The following C8G variants were observed in gnomAD, a reference collection of about 807,000 sequenced individuals.
C8G encodes complement component C8 gamma chain.
Under a neutral mutation model 29.1 loss-of-function variants are expected in C8G, and 38 were observed. That is an observed-to-expected ratio of 1.31 (90% CI 1.01 to 1.71). The LOEUF is 1.71. C8G is among the 40% of genes most tolerant of loss of function. The pLI, the probability that C8G is intolerant of heterozygous loss-of-function variation, is 0.00. For synonymous variants in C8G, 158 were observed against 113.2 expected (o/e 1.40, Z -2.51); for missense variants, 300 against 267.4 (o/e 1.12, Z -0.85).
At position 136,945,352 on chromosome 9, in the gene C8G, C is replaced by T. The variant is rs747783357; in HGVS notation, c.32C>T (p.Thr11Ile). The change falls in exon 1 of 7, where the codon ACT (threonine) becomes ATT (isoleucine). Residue 11 changes from threonine (T) to isoleucine (I), a missense_variant. Thr to Ile is a moderately conservative substitution (Grantham distance 89, BLOSUM62 -1). Coordinates refer to ENST00000371634, the MANE Select transcript of C8G (RefSeq NM_000606.3). ...CCCCCTGGGACTGCGACCCTCTTGA[C>T]TCTGCTCCTGGCAGCTGGCTCGCTG... MLPPGTATLL[T>I]LLLAAGSLGQ... is the part of the protein sequence containing the mutation. The T allele has an allele frequency of 6.8e-6, 11 of 1,612,946 alleles. No individual in the cohort carries two copies. In the South Asian group the frequency reaches 1.1e-4, roughly 16 times the overall value.
rs1263409159 is a variant in C8G at position 136,946,288 on chromosome 9, C to T, written c.454+96C>T. On this transcript the variant is annotated intron_variant, in intron 4 of 6. Coordinates refer to ENST00000371634, the MANE Select transcript of C8G (RefSeq NM_000606.3). Reference sequence around the variant, plus strand: ...GGCTGGGTGAGCCCATGGGGACACACTTCCTTTCTCCCATCCTGATCCTCC... The same window carrying T: ...GGCTGGGTGAGCCCATGGGGACACATTTCCTTTCTCCCATCCTGATCCTCC... The T allele has an allele frequency of 5.1e-6, 7 of 1,366,256 alleles. No individual in the cohort carries two copies. In the South Asian group the frequency reaches 9.3e-5, roughly 18 times the overall value. 84.6% of individuals were successfully genotyped at this position (1,366,256 alleles called of 1,614,324 possible).
rs1225544482 is a variant in C8G at position 136,945,853 on chromosome 9, C to T, written c.276-76C>T. The T allele has an allele frequency of 1.0e-5, 16 of 1,541,026 alleles. No individual in the cohort carries two copies. The African/African-American group carries it at 1.5e-4, about 15-fold the overall frequency. Reference sequence around the variant, plus strand: ...TCAGCCCTGCTCTGGCCCCTGACCCCACCCCGGCTGTGGCCTGGACTAGGA... The same window carrying T: ...TCAGCCCTGCTCTGGCCCCTGACCCTACCCCGGCTGTGGCCTGGACTAGGA... On this transcript the variant is annotated intron_variant, in intron 2 of 6. Coordinates refer to ENST00000371634, the MANE Select transcript of C8G (RefSeq NM_000606.3).
In C8G at chr9:136,945,717, A is replaced by G. The variant is rs1462425669; in HGVS notation, c.222A>G (p.Thr74=). ...AGGGCCACCGGGCCGAGGCCACCACACTGCATGTGGCTCCCCAGGGCACAG... is the reference window on the plus strand; with the variant it reads ...AGGGCCACCGGGCCGAGGCCACCACGCTGCATGTGGCTCCCCAGGGCACAG... The part of the protein sequence containing the change: ...QEQGHRAEAT[T]LHVAPQGTAM... The change falls in exon 2 of 7, where the codon ACA becomes ACG. Residue 74 remains threonine (T), a synonymous_variant. Coordinates refer to ENST00000371634, the MANE Select transcript of C8G (RefSeq NM_000606.3). The G allele has an allele frequency of 4.4e-5, 70 of 1,585,152 alleles. No individual in the cohort carries two copies. The highest frequency in any genetic ancestry group is 6.0e-5 in the Non-Finnish European group (70 of 1,168,004).
chr9:136,946,275 C>T (rs1250890104), intron 4 of C8G, 83 bp downstream of exon 4: 2 of 1,386,174 alleles, frequency 1.4e-6, no homozygotes, highest in Non-Finnish European at 2.0e-6. Context: ...CTGGGTGAGC[C>T]CATGGGGACA....
chr9:136,945,617 C>T lies in C8G; in HGVS notation c.139-17C>T, dbSNP rs1226956020. The T allele has an allele frequency of 1.2e-6, 2 of 1,607,182 alleles. No individual in the cohort carries two copies. Among genetic ancestry groups the T allele is most frequent in the Admixed American group, 3.3e-5 (2 of 59,758 alleles). On this transcript the variant is annotated splice_polypyrimidine_tract_variant and intron_variant, in intron 1 of 6. Transcript: ENST00000371634. The stretch of plus-strand genomic sequence containing the variant: ...CCTCCCACAGTGCCCTCGAGTTCTC[C>T]CATGGTCTGCCCCCAGTTTGCAGGG...
chr9:136,946,103 C>G lies in C8G; in HGVS notation c.365C>G (p.Ala122Gly), dbSNP rs1851029520. 6.2e-7 allele frequency: 1 copy of G among 1,601,258 alleles called. No homozygotes were observed. Among genetic ancestry groups the G allele is most frequent in the Non-Finnish European group, 8.5e-7 (1 of 1,172,062 alleles). ...FLLQARDARG[A>G]VHVVVAETDY... ...GCCCCAGCCCGAGACGCCCGAGGGG[C>G]TGTGCACGTGGTTGTCGCTGAGACC... The change falls in exon 4 of 7, where the codon GCT (alanine) becomes GGT (glycine). Residue 122 changes from alanine to glycine, a missense_variant. Physicochemically the swap from Ala to Gly is moderately conservative, Grantham distance 60. Coordinates refer to ENST00000371634, the MANE Select transcript of C8G (RefSeq NM_000606.3).
At chr9:136,946,409 C>T (rs1019812762) in intron 4 of C8G, 56 bp from the exon 5 acceptor site, 15 of 1,515,898 alleles carry the variant, frequency 9.9e-6, no homozygotes, top group South Asian at 1.3e-5. Flanking sequence ...ACCCCGTTTC[C>T]AGAGCCCTCC....
rs746011684 is a variant in C8G, at chr9:136,946,572, T to TGTCCCCAGCAG, written c.556+16_556+26dup. On this transcript the variant is annotated splice_region_variant and intron_variant, in intron 5 of 6. Transcript: ENST00000371634. ...CTTCTACTTCCCCAAGTACGGTGAGTGTCCCCAGCAGGTCCCCAGCTCAGC... is the reference window on the plus strand; with the variant it reads ...CTTCTACTTCCCCAAGTACGGTGAGTGTCCCCAGCAGGTCCCCAGCAGGTCCCCAGCTCAGC... The TGTCCCCAGCAG allele has an allele frequency of 5.7e-5, 92 of 1,612,604 alleles. No individual in the cohort carries two copies. Among genetic ancestry groups the TGTCCCCAGCAG allele is most frequent in the Admixed American group, 1.5e-4 (9 of 59,960 alleles).
In C8G at chr9:136,946,704, G is replaced by A. The variant is rs1244358548; in HGVS notation, c.595+15G>A. ...CGTCCTGGACGGTGAGTGCACAGCG[G>A]GGCAAGCATGGCGGCGTGGTGAGGG... is the stretch of plus-strand genomic sequence containing the variant. On this transcript the variant is annotated intron_variant, in intron 6 of 6. Transcript: ENST00000371634. 4 of 1,611,462 alleles carry A rather than the reference G, an allele frequency of 2.5e-6. No individual in the cohort carries two copies. Among genetic ancestry groups the A allele is most frequent in the Non-Finnish European group, 3.4e-6 (4 of 1,179,974 alleles).
Position 136,946,145 on chromosome 9 carries a change from C to A in C8G, c.407C>A (p.Ala136Asp). ...GCTGAGACCGACTACCAGAGTTTCG[C>A]TGTCCTGTACCTGGAGCGGGCGGGG... is the stretch of plus-strand genomic sequence containing the variant. ...VVAETDYQSF[A>D]VLYLERAGQL... The change falls in exon 4 of 7, where the codon GCT (alanine) becomes GAT (aspartate). Residue 136 changes from alanine to aspartate, a missense_variant. By Grantham distance (126) the Ala-to-Asp change is moderately radical (BLOSUM62 -2). Transcript: ENST00000371634. The A allele has an allele frequency of 6.3e-7, 1 of 1,579,716 alleles. No individual in the cohort carries two copies. The highest frequency in any genetic ancestry group is 1.3e-5 in the African/African-American group (1 of 74,266).
Position 136,946,643 on chromosome 9 carries a change from G to GC in C8G, c.557-3dup. On this transcript the variant is annotated splice_polypyrimidine_tract_variant and splice_region_variant and intron_variant, in intron 5 of 6. Coordinates refer to ENST00000371634, the MANE Select transcript of C8G (RefSeq NM_000606.3). ...ATGTCCAGCCTGACCCCTGCCTTGGGCCCCCAGGCTTCTGCGAGGCTGCAG... is the reference window on the plus strand; with the variant it reads ...ATGTCCAGCCTGACCCCTGCCTTGGGCCCCCCAGGCTTCTGCGAGGCTGCAG... The GC allele has an allele frequency of 5.0e-6, 8 of 1,613,234 alleles. 1 individual carries two copies. In the Middle Eastern group the frequency reaches 1.2e-3, roughly 233 times the overall value.
At chr9:136,945,486 CAGGT>C (rs1851003135) in intron 1 of C8G, 28 bp downstream of exon 1, 2 of 1,551,220 alleles carry the variant, frequency 1.3e-6, no homozygotes, top group Non-Finnish European at 1.7e-6. Flanking sequence ...TAGAGGGAGG[CAGGT>C]AGAAGTTGTG....
At position 136,945,470 on chromosome 9, in the gene C8G, G is replaced by C. The variant is rs192242056; in HGVS notation, c.138+12G>C. 1.8e-4 allele frequency: 285 copies of C among 1,561,872 alleles called. No homozygotes were observed. In the African/African-American group the frequency reaches 2.5e-3, roughly 14 times the overall value. ...TTGATGCTCAGCAGGTAGAAGTTGG[G>C]GGGGGTAGAGGGAGGCAGGTAGAAG... On this transcript the variant is annotated intron_variant, in intron 1 of 6. Coordinates refer to ENST00000371634, the MANE Select transcript of C8G (RefSeq NM_000606.3).
In C8G at chr9:136,946,916, C is replaced by A; in HGVS notation, c.*135C>A. The A allele has an allele frequency of 8.7e-7, 1 of 1,152,714 alleles. No individual in the cohort carries two copies. Among genetic ancestry groups the A allele is most frequent in the African/African-American group, 1.5e-5 (1 of 65,804 alleles). The allele number at this position is 1,152,714 out of a possible 1,614,324, so 71.4% of individuals were successfully genotyped here. On this transcript the variant is annotated 3_prime_UTR_variant, in exon 7 of 7. Coordinates refer to ENST00000371634, the MANE Select transcript of C8G (RefSeq NM_000606.3). Reference sequence around the variant, plus strand: ...CCACCCAGGGCAGGGGATCTTCTGCCGGCTGCCCCAGAGGACAGTGGGTGG... The same window carrying A: ...CCACCCAGGGCAGGGGATCTTCTGCAGGCTGCCCCAGAGGACAGTGGGTGG...
chr9:136,946,221 G>A, intron 4 of C8G, 29 bp downstream of exon 4: 1 of 1,527,598 alleles, frequency 6.5e-7, no homozygotes. Flanking sequence ...CTGTGACCAG[G>A]CAGGCGCTCA....
Position 136,945,471 on chromosome 9 carries a change from G to A in C8G, c.138+13G>A, listed in dbSNP as rs200253931. 10 of 1,561,774 alleles carry A rather than the reference G, an allele frequency of 6.4e-6. No homozygotes were observed. Among genetic ancestry groups the A allele is most frequent in the East Asian group, 2.4e-5 (1 of 42,022 alleles). ...TGATGCTCAGCAGGTAGAAGTTGGG[G>A]GGGGTAGAGGGAGGCAGGTAGAAGT... On this transcript the variant is annotated intron_variant, in intron 1 of 6. Transcript: ENST00000371634.
In C8G at chr9:136,946,844, TGCC is replaced by T; in HGVS notation, c.*64_*66del. Reference sequence around the variant, plus strand: ...CCGAGAGACGACCCCACCAGTGGGGTGCCCGCTGCCTGTCCTCCGTGAAACCAG... The same window carrying T: ...CCGAGAGACGACCCCACCAGTGGGGTCGCTGCCTGTCCTCCGTGAAACCAG... On this transcript the variant is annotated 3_prime_UTR_variant, in exon 7 of 7. Coordinates refer to ENST00000371634, the MANE Select transcript of C8G (RefSeq NM_000606.3). The T allele has an allele frequency of 6.5e-7, 1 of 1,529,938 alleles. No homozygotes were observed. Among genetic ancestry groups the T allele is most frequent in the Non-Finnish European group, 8.8e-7 (1 of 1,140,700 alleles). The allele number at this position is 1,529,938 out of a possible 1,614,324, so 94.8% of individuals were successfully genotyped here. A position where few individuals can be genotyped will look rare whatever the true frequency, so the allele number is the denominator to read the frequency against.
In C8G at chr9:136,946,974, C is replaced by T. The variant is rs912071170; in HGVS notation, c.*193C>T. On this transcript the variant is annotated 3_prime_UTR_variant, in exon 7 of 7. Coordinates refer to ENST00000371634, the MANE Select transcript of C8G (RefSeq NM_000606.3). ...CCTACTTATTAAATGTCTCAGACCCCTCTCTGACTCTTCTGTCCACTCTGG... is the reference window on the plus strand; with the variant it reads ...CCTACTTATTAAATGTCTCAGACCCTTCTCTGACTCTTCTGTCCACTCTGG... 1.9e-5 allele frequency: 13 copies of T among 685,190 alleles called. No homozygotes were observed. In the African/African-American group the frequency reaches 2.3e-4, roughly 12 times the overall value. 42.4% of individuals were successfully genotyped at this position (685,190 alleles called of 1,614,324 possible).
chr9:136,945,712 AC>A lies in C8G; in HGVS notation c.219del (p.Thr74HisfsTer75). On this transcript the variant is annotated frameshift_variant, in exon 2 of 7. Coordinates refer to ENST00000371634, the MANE Select transcript of C8G (RefSeq NM_000606.3). LOFTEE classifies it high-confidence loss of function. ...GGAGCAGGGCCACCGGGCCGAGGCC[AC>A]CACACTGCATGTGGCTCCCCAGGGC... The part of the protein sequence containing the change: ...LQEQGHRAEA[T>X]TLHVAPQGTA... The A allele has an allele frequency of 6.3e-7, 1 of 1,588,180 alleles. No individual in the cohort carries two copies.
Sources: gnomAD v4.1 joint callset for allele counts on GRCh38, gnomAD v4.1.1 for gene constraint, MANE v1.5 for transcripts, NCBI Gene and HGNC (gene_info 2026-07-23, HGNC 2026-07-21) for gene names.